Variants in ADK observed in about 807,000 individuals in gnomAD.
ADK encodes the protein N6,N6-dimethyladenosine kinase.
Under a neutral mutation model 44.7 loss-of-function variants are expected in ADK, and 24 were observed. That is an observed-to-expected ratio of 0.54 (90% CI 0.39 to 0.76). The LOEUF is 0.76. Among genes scored for constraint, ADK ranks in the 30% least tolerant of loss-of-function variants. The probability of loss-of-function intolerance (pLI) is 0.00; values close to 1 mark genes in which losing one functional copy is unlikely to be tolerated. For missense variants in ADK, 321 were observed against 425.1 expected (o/e 0.76, Z 2.15); for synonymous variants, 128 against 142.6 (o/e 0.90, Z 0.73).
intron 1 of ADK, among the ~76,000 whole-genome samples, chr10:74,186,915 G>T (rs530531401): frequency 6.6e-6 from 1 of 152,172 alleles, no homozygotes; most frequent in Non-Finnish European, 1.5e-5. Flanking sequence ...AAGTTGCTAT[G>T]AACATTTTTG....
chr10:74,154,041 G>C (rs542905790), intron 1 of ADK, among the ~76,000 whole-genome samples: 1 of 152,270 alleles, frequency 6.6e-6, no homozygotes, highest in African/African-American at 2.4e-5. Context: ...TCTTAAAGAT[G>C]ACTAGGAGTT....
At chr10:74,446,658 G>A (rs933972861) in intron 6 of ADK, among the ~76,000 whole-genome samples, 1 of 152,126 alleles carries the variant, frequency 6.6e-6, no homozygotes, top group East Asian at 1.9e-4. Flanking sequence ...TAATTCCCAT[G>A]TACATACAGT....
At chr10:74,608,134 C>T (rs1454837258) in intron 9 of ADK, among the ~76,000 whole-genome samples, 1 of 151,844 alleles carries the variant, frequency 6.6e-6, no homozygotes, top group East Asian at 1.9e-4. Context: ...ATTCCTCTAA[C>T]CTTTTTTCAA....
At chr10:74,476,156 T>C (rs1355335148) in intron 6 of ADK, among the ~76,000 whole-genome samples, 1 of 152,148 alleles carries the variant, frequency 6.6e-6, no homozygotes, top group Non-Finnish European at 1.5e-5. Flanking sequence ...TTATTTGACA[T>C]GTATTTACTT....
Position 74,461,654 on chromosome 10 carries a change from A to G in ADK, c.555+63075A>G, listed in dbSNP as rs866588614. On this transcript the variant is annotated intron_variant, in intron 6 of 10. Coordinates refer to ENST00000539909, the MANE Select transcript of ADK (RefSeq NM_006721.4). ...TTTGTAGGCTAAGTATAACTCTCCT[A>G]CTGTTTCACCTACTTCCTAAGCTAG... Among the ~76,000 whole-genome samples, 7 of 152,182 alleles carry G rather than the reference A, an allele frequency of 4.6e-5. No homozygotes were observed. In the South Asian group the frequency reaches 6.2e-4, roughly 14 times the overall value.
chr10:74,290,100 A>T (rs975255202), intron 3 of ADK, among the ~76,000 whole-genome samples: 5 of 142,636 alleles, frequency 3.5e-5, no homozygotes, highest in Non-Finnish European at 6.3e-5. Context: ...ACACACACAC[A>T]CTCACACACA....
At chr10:74,198,424 G>T (rs918503840) in intron 1 of ADK, among the ~76,000 whole-genome samples, 6 of 152,156 alleles carry the variant, frequency 3.9e-5, no homozygotes, top group African/African-American at 1.4e-4. Flanking sequence ...GTTAATAAGA[G>T]ACTGTAATTT....
intron 4 of ADK, among the ~76,000 whole-genome samples, chr10:74,381,714 A>G (rs1842981174): frequency 6.6e-6 from 1 of 152,186 alleles, no homozygotes; most frequent in Admixed American, 6.5e-5. Context: ...AATCTCAGCA[A>G]ATGGCTTGTT....
At chr10:74,650,221 A>G (rs909190504) in intron 9 of ADK, among the ~76,000 whole-genome samples, 3 of 152,042 alleles carry the variant, frequency 2.0e-5, no homozygotes, top group African/African-American at 7.2e-5. Flanking sequence ...GGAGTTTGAG[A>G]CCACCCTGGC....
chr10:74,357,737 AT>A (rs1281810576), intron 4 of ADK, among the ~76,000 whole-genome samples: 1 of 152,146 alleles, frequency 6.6e-6, no homozygotes, highest in Non-Finnish European at 1.5e-5. Context: ...AATGACTAGT[AT>A]TTGGTATAAG....
intron 6 of ADK, among the ~76,000 whole-genome samples, chr10:74,483,844 C>T (rs1465015419): frequency 6.6e-6 from 1 of 152,362 alleles, no homozygotes; most frequent in African/African-American, 2.4e-5. Flanking sequence ...TTCCTCATCT[C>T]CATCTGAGAC....
chr10:74,210,940 A>G (rs1354444654), intron 2 of ADK, among the ~76,000 whole-genome samples: 1 of 152,072 alleles, frequency 6.6e-6, no homozygotes, highest in Admixed American at 6.5e-5. Context: ...GCTGGAGTGC[A>G]GTGGCATGAT....
At chr10:74,478,391 TA>T (rs1294806308) in intron 6 of ADK, among the ~76,000 whole-genome samples, 3 of 152,054 alleles carry the variant, frequency 2.0e-5, no homozygotes, top group Non-Finnish European at 4.4e-5. Flanking sequence ...AGCTAATTTT[TA>T]AAAAAAATTT....
At chr10:74,164,749 C>T (rs910505446) in intron 1 of ADK, among the ~76,000 whole-genome samples, 2 of 152,182 alleles carry the variant, frequency 1.3e-5, no homozygotes, top group South Asian at 2.1e-4. Flanking sequence ...AGCACTATTT[C>T]CCCCATATTT....
intron 8 of ADK, among the ~76,000 whole-genome samples, chr10:74,599,691 A>G (rs913134255): frequency 5.3e-5 from 8 of 152,238 alleles, no homozygotes; most frequent in Non-Finnish European, 1.0e-4. Context: ...ACTTCAATAA[A>G]GATTTCAGTA....
intron 6 of ADK, among the ~76,000 whole-genome samples, chr10:74,511,984 C>T (rs554066275): frequency 5.7e-4 from 86 of 152,154 alleles, no homozygotes; most frequent in African/African-American, 2.0e-3. Context: ...TCCTTCTATA[C>T]CTAATTTATT....
intron 4 of ADK, among the ~76,000 whole-genome samples, chr10:74,355,330 T>A (rs1349547073): frequency 2.6e-5 from 4 of 152,220 alleles, no homozygotes; most frequent in Admixed American, 6.5e-5. Context: ...GTTAACTTTT[T>A]AAAAACTTCT....
At chr10:74,177,946 T>C (rs1842406891) in intron 1 of ADK, among the ~76,000 whole-genome samples, 1 of 32,236 alleles carries the variant, frequency 3.1e-5, no homozygotes, top group African/African-American at 8.0e-5. Context: ...TATATATATA[T>C]TTTTTTTTTT....
At chr10:74,695,416 C>T (rs975770927) in intron 10 of ADK, among the ~76,000 whole-genome samples, 5 of 151,874 alleles carry the variant, frequency 3.3e-5, no homozygotes, top group African/African-American at 7.2e-5. Context: ...TAACTTGCAT[C>T]GCTTTTGTAT....
Sources: allele counts gnomAD v4.1 joint callset (sites outside exome capture counted in the v4.1 genomes callset), GRCh38; gene constraint gnomAD v4.1.1; transcripts MANE v1.5; gene names NCBI Gene and HGNC (gene_info 2026-07-23, HGNC 2026-07-21).